The following KLHL8 variants were observed in gnomAD, a reference collection of about 807,000 sequenced individuals.
The protein encoded by KLHL8 is kelch like family member 8, also known as kelch-like protein 8.
A neutral mutation model predicts 63.5 loss-of-function variants in KLHL8; 38 were observed. That is an observed-to-expected ratio of 0.60 (90% CI 0.46 to 0.78). The LOEUF (loss-of-function observed/expected upper bound fraction) is 0.78, where lower values mean the gene tolerates loss of function less well. Among genes scored for constraint, KLHL8 ranks in the 30% least tolerant of loss-of-function variants. The pLI is 0.00. For missense variants in KLHL8, 566 were observed against 752.4 expected (o/e 0.75, Z 2.90); for synonymous variants, 224 against 254.3 (o/e 0.88, Z 1.13).
At chr4:87,219,309 G>C (rs751828451) in intron 1 of KLHL8, among the ~76,000 whole-genome samples, 1 of 152,212 alleles carries the variant, frequency 6.6e-6, no homozygotes, top group Non-Finnish European at 1.5e-5. Flanking sequence ...CGAGAAAGAT[G>C]CGCGAAGAGG....
intron 1 of KLHL8, among the ~76,000 whole-genome samples, chr4:87,214,336 T>TA (rs1345650087): frequency 6.9e-6 from 1 of 145,632 alleles, no homozygotes; most frequent in African/African-American, 2.5e-5. Flanking sequence ...TCCTCATCTG[T>TA]AAAAATGAGG....
chr4:87,188,440 C>T (rs983543475), intron 2 of KLHL8, among the ~76,000 whole-genome samples: 6 of 152,090 alleles, frequency 3.9e-5, no homozygotes, highest in East Asian at 1.9e-4. Flanking sequence ...AATCAATGGC[C>T]GGCAAGTCAT....
At chr4:87,168,443 G>A (rs555448140) in intron 8 of KLHL8, among the ~76,000 whole-genome samples, 2 of 151,800 alleles carry the variant, frequency 1.3e-5, no homozygotes, top group African/African-American at 4.9e-5. Flanking sequence ...TTATTCTTTC[G>A]GCGTTTTGTG....
In KLHL8 at chr4:87,195,682, T is replaced by C; in HGVS notation, c.-143A>G. 3 of 607,752 alleles carry C rather than the reference T, an allele frequency of 4.9e-6. No individual in the cohort carries two copies. The highest frequency in any genetic ancestry group is 8.5e-6 in the Non-Finnish European group (3 of 352,600). The allele number at this position is 607,752 out of a possible 1,614,324, so 37.6% of individuals were successfully genotyped here. ...ACCCACTCAACTGCCATTGTACAGT[T>C]TGCTGTGACTGAAAAATCAACAATA... On this transcript the variant is annotated 5_prime_UTR_variant, in exon 2 of 10. Transcript: ENST00000273963.
chr4:87,174,240 A>G (rs545202547), intron 6 of KLHL8, among the ~76,000 whole-genome samples: 12 of 151,168 alleles, frequency 7.9e-5, no homozygotes, highest in African/African-American at 2.7e-4. Context: ...TATATCATAT[A>G]TATGTGTGTA....
rs1224168865 is a variant in KLHL8 at position 87,226,597 on chromosome 4, AAT to A, written n.58-5209_58-5208del. Reference sequence around the variant, plus strand: ...TCTCTCTCTCTCTATATATATAAATAATATATATATTATTTATATAAATAATA... The same window carrying A: ...TCTCTCTCTCTCTATATATATAAATAATATATATTATTTATATAAATAATA... On this transcript the variant is annotated intron_variant and non_coding_transcript_variant, in intron 1 of 1. Coordinates refer to the KLHL8 transcript ENST00000506274. Among the ~76,000 whole-genome samples the A allele has an allele frequency of 3.1e-3, 257 of 82,940 alleles. 2 individuals are homozygous for A. The highest frequency in any genetic ancestry group is 0.012 in the African/African-American group (249 of 20,028). The allele number at this position is 82,940 out of a possible 152,430, so 54.4% of individuals were successfully genotyped here. A position where few individuals can be genotyped will look rare whatever the true frequency, so the allele number is the denominator to read the frequency against.
At chr4:87,175,222 A>G (rs1167024898) in intron 6 of KLHL8, among the ~76,000 whole-genome samples, 2 of 152,214 alleles carry the variant, frequency 1.3e-5, no homozygotes, top group African/African-American at 4.8e-5. Flanking sequence ...TTTTATTCCC[A>G]TACCCCAACT....
intron 1 of KLHL8, among the ~76,000 whole-genome samples, chr4:87,235,012 A>T (rs887471508): frequency 2.7e-5 from 4 of 150,920 alleles, no homozygotes; most frequent in Non-Finnish European, 5.9e-5. Flanking sequence ...GTGTGTTCTA[A>T]AGTTTATAAA....
chr4:87,195,739 T>G (rs907051196), intron 1 of KLHL8, 49 bp from the exon 2 acceptor site: 41 of 482,024 alleles, frequency 8.5e-5, no homozygotes, highest in South Asian at 2.0e-4. Context: ...AAGAAAAAAA[T>G]TATTGTTAAC....
chr4:87,163,412 TA>T lies in KLHL8; in HGVS notation c.*106del. The T allele has an allele frequency of 9.0e-7, 1 of 1,114,688 alleles. No individual in the cohort carries two copies. Among genetic ancestry groups the T allele is most frequent in the Middle Eastern group, 2.2e-4 (1 of 4,552 alleles). The allele number at this position is 1,114,688 out of a possible 1,614,324, so 69.0% of individuals were successfully genotyped here. On this transcript the variant is annotated 3_prime_UTR_variant, in exon 10 of 10. Coordinates refer to ENST00000273963, the MANE Select transcript of KLHL8 (RefSeq NM_020803.5). ...CACAATACAACAGTTAACATTTAAA[TA>T]AGACTCTAGTTGCAGTAAAAAGTGT...
intron 6 of KLHL8, among the ~76,000 whole-genome samples, chr4:87,173,309 T>C (rs1730702318): frequency 6.6e-6 from 1 of 152,256 alleles, no homozygotes. Context: ...TCTTCTACAA[T>C]GTAAGCTATA....
At position 87,161,128 on chromosome 4, in the gene KLHL8, C is replaced by CT. The variant is rs1730152224; in HGVS notation, c.*2390_*2391insA. On this transcript the variant is annotated 3_prime_UTR_variant, in exon 10 of 10. Transcript: ENST00000273963. ...GCTCAACCTCGGCTCATTGCAACCT[C>CT]CACCTCCTGGGTTCAAGCAATTCTC... The CT allele has an allele frequency of 6.7e-6, 1 of 148,472 alleles. No homozygotes were observed. The highest frequency in any genetic ancestry group is 1.5e-5 in the Non-Finnish European group (1 of 67,648). 9.2% of individuals were successfully genotyped at this position (148,472 alleles called of 1,614,324 possible).
chr4:87,172,852 A>G (rs1730685145), intron 6 of KLHL8, among the ~76,000 whole-genome samples: 2 of 152,206 alleles, frequency 1.3e-5, no homozygotes, highest in African/African-American at 4.8e-5. Context: ...TTTTGAATGC[A>G]GAAGTTCTCT....
At chr4:87,198,425 T>G (rs940867827) in intron 1 of KLHL8, among the ~76,000 whole-genome samples, 5 of 152,158 alleles carry the variant, frequency 3.3e-5, no homozygotes, top group Non-Finnish European at 7.3e-5. Context: ...ACAATATCAA[T>G]AATCACATTA....
intron 1 of KLHL8, among the ~76,000 whole-genome samples, chr4:87,210,988 T>C (rs1732383508): frequency 2.0e-5 from 3 of 152,182 alleles, no homozygotes; most frequent in Non-Finnish European, 4.4e-5. Flanking sequence ...ACTTAATACT[T>C]ATAAGTGCCT....
intron 2 of KLHL8, among the ~76,000 whole-genome samples, chr4:87,194,489 A>T (rs1241053439): frequency 1.1e-4 from 17 of 152,188 alleles, no homozygotes; most frequent in Admixed American, 1.1e-3. Flanking sequence ...TGGGCAACAT[A>T]GCAAGACCCC....
At chr4:87,207,046 C>A in intron 1 of KLHL8, 1 of 399,832 alleles carries the variant, frequency 2.5e-6, no homozygotes, top group East Asian at 5.9e-5. Context: ...ATTTGACACA[C>A]AGCTGCATCT....
In KLHL8 at chr4:87,178,514, A is replaced by G. The variant is rs1314775217; in HGVS notation, c.1059T>C (p.Asn353=). ...KNSWFFGPEM[N]SRRRHVGVIS... ...TTACACCCACATGTCGCCTTCGACT[A>G]TTCATTTCTGGTCCAAAGAACCAAC... Residue 353 remains asparagine (N), a synonymous_variant, in exon 5 of 10, where the codon AAT becomes AAC. Coordinates refer to ENST00000273963, the MANE Select transcript of KLHL8 (RefSeq NM_020803.5). 2 of 1,612,232 alleles carry G rather than the reference A, an allele frequency of 1.2e-6. No individual in the cohort carries two copies. Among genetic ancestry groups the G allele is most frequent in the Admixed American group, 1.7e-5 (1 of 59,306 alleles).
intron 3 of KLHL8, 143 bp downstream of exon 3, chr4:87,185,104 TAGAG>T (rs1731199366): frequency 2.7e-6 from 2 of 733,802 alleles, no homozygotes; most frequent in Non-Finnish European, 2.1e-6. Flanking sequence ...ACAGGAAAAT[TAGAG>T]AGCTAAAAGC....
Sources: allele counts gnomAD v4.1 joint callset (sites outside exome capture counted in the v4.1 genomes callset), GRCh38; gene constraint gnomAD v4.1.1; transcripts MANE v1.5; gene names NCBI Gene and HGNC (gene_info 2026-07-23, HGNC 2026-07-21).